Variants in BSPH1 observed in about 807,000 individuals in gnomAD.
The protein encoded by BSPH1 is binder of sperm protein homolog 1.
Under a neutral mutation model 22.5 loss-of-function variants are expected in BSPH1, and 21 were observed. That is an observed-to-expected ratio of 0.93 (90% CI 0.66 to 1.35). BSPH1 has a LOEUF of 1.35. BSPH1 is among the 40% of genes most tolerant of loss of function. BSPH1 has a pLI of 0.00. For synonymous variants in BSPH1, 42 were observed against 53.6 expected, an observed-to-expected ratio of 0.78 and a Z score of 0.95; for missense variants, 141 against 154.2, an observed-to-expected ratio of 0.91 and a Z score of 0.45.
chr19:47,976,599 A>AAAAC, intron 5 of BSPH1, 111 bp downstream of exon 5: 1 of 798,858 alleles, frequency 1.3e-6, no homozygotes, highest in East Asian at 2.8e-5. Context: ...AAAAAAAACA[A>AAAAC]AAAAAAACCC....
At chr19:47,968,729 T>C (rs1969281545) in intron 5 of BSPH1, among the ~76,000 whole-genome samples, 1 of 139,694 alleles carries the variant, frequency 7.2e-6, no homozygotes, top group East Asian at 2.1e-4. Flanking sequence ...CCAGGCACAG[T>C]GGCTCATGCC....
intron 1 of BSPH1, among the ~76,000 whole-genome samples, chr19:47,985,998 G>T (rs1012419213): frequency 1.3e-5 from 2 of 152,100 alleles, no homozygotes; most frequent in Admixed American, 1.3e-4. Context: ...GCAGTTGCCC[G>T]CAGGAGGATA....
rs75455169 is a variant in BSPH1 at position 47,968,105 on chromosome 19, T to C, written c.*107A>G. 6.6e-6 allele frequency: 1 copy of C among 152,326 alleles called. No homozygotes were observed. The highest frequency in any genetic ancestry group is 1.9e-4 in the East Asian group (1 of 5,178). 9.4% of individuals were successfully genotyped at this position (152,326 alleles called of 1,614,324 possible). ...TTGGGGGTTACTGTATATCAGACCA[T>C]TCTGACCTGCTGAAGAATCCATGGC... On this transcript the variant is annotated 3_prime_UTR_variant, in exon 6 of 6. Transcript: ENST00000344839.
chr19:47,989,337 G>A (rs1969501587), intron 1 of BSPH1, among the ~76,000 whole-genome samples: 1 of 151,740 alleles, frequency 6.6e-6, no homozygotes, highest in Non-Finnish European at 1.5e-5. Flanking sequence ...GTAGAGACGG[G>A]GTTTCACCAT....
At chr19:47,980,123 AC>A (rs1205965822) in intron 2 of BSPH1, among the ~76,000 whole-genome samples, 1 of 152,094 alleles carries the variant, frequency 6.6e-6, no homozygotes, top group East Asian at 1.9e-4. Context: ...TTAATGTAAC[AC>A]CCCTGTGCTT....
intron 5 of BSPH1, among the ~76,000 whole-genome samples, chr19:47,973,176 C>T (rs962363392): frequency 5.3e-5 from 8 of 150,648 alleles, no homozygotes; most frequent in Non-Finnish European, 8.9e-5. Flanking sequence ...GAGATCGCGC[C>T]ACTGCACTCC....
chr19:47,972,431 CCCT>C (rs1302391362), intron 5 of BSPH1, among the ~76,000 whole-genome samples: 1 of 152,038 alleles, frequency 6.6e-6, no homozygotes, highest in Non-Finnish European at 1.5e-5. Flanking sequence ...TGTATCATCT[CCCT>C]CCTCCCACTC....
intron 5 of BSPH1, among the ~76,000 whole-genome samples, chr19:47,974,477 C>T (rs377244645): frequency 1.3e-5 from 2 of 152,012 alleles, no homozygotes; most frequent in East Asian, 3.9e-4. Context: ...GCCGTGTTGG[C>T]TGGCCTGGTC....
At chr19:47,985,739 G>A (rs1969464243) in intron 1 of BSPH1, among the ~76,000 whole-genome samples, 1 of 151,960 alleles carries the variant, frequency 6.6e-6, no homozygotes, top group African/African-American at 2.4e-5. Context: ...GGCAGCTGAG[G>A]CAGGAGAATC....
chr19:47,976,586 AAAAAAAAAAAC>A lies in BSPH1; in HGVS notation c.*2+113_*2+123del, dbSNP rs908391854. 1.1e-4 allele frequency: 69 copies of A among 644,530 alleles called. 1 individual carries two copies. The highest frequency in any genetic ancestry group is 5.3e-4 in the Middle Eastern group (2 of 3,766). The allele number at this position is 644,530 out of a possible 1,614,324, so 39.9% of individuals were successfully genotyped here. ...TCACCTTCAACTCACATCCCAGAAA[AAAAAAAAAAAC>A]AAAAAAAAACCCTCTCTAATGAGAA... is the stretch of plus-strand genomic sequence containing the variant. On this transcript the variant is annotated intron_variant, in intron 5 of 5. Transcript: ENST00000344839.
chr19:47,981,772 CTT>C (rs5828324), intron 1 of BSPH1: 308 of 826,628 alleles, frequency 3.7e-4, no homozygotes, highest in South Asian at 8.7e-4. Context: ...GATAGCTTTA[CTT>C]TTTTTTTTTC....
chr19:47,987,563 T>C (rs191594997), intron 1 of BSPH1, among the ~76,000 whole-genome samples: 13 of 152,192 alleles, frequency 8.5e-5, no homozygotes, highest in African/African-American at 3.1e-4. Flanking sequence ...TTTTCAAAAG[T>C]TGCTGTAGAG....
intron 1 of BSPH1, among the ~76,000 whole-genome samples, chr19:47,983,073 G>A (rs1969434216): frequency 6.6e-6 from 1 of 152,166 alleles, no homozygotes. Context: ...CTGTGCACTG[G>A]TTCCAGTATA....
In BSPH1 at chr19:47,992,167, G is replaced by T; in HGVS notation, c.-86C>A. 9.1e-7 allele frequency: 1 copy of T among 1,093,930 alleles called. No homozygotes were observed. Among genetic ancestry groups the T allele is most frequent in the Non-Finnish European group, 1.3e-6 (1 of 746,700 alleles). The allele number at this position is 1,093,930 out of a possible 1,614,324, so 67.8% of individuals were successfully genotyped here. A position where few individuals can be genotyped will look rare whatever the true frequency, so the allele number is the denominator to read the frequency against. On this transcript the variant is annotated 5_prime_UTR_variant, in exon 1 of 6. Transcript: ENST00000344839. The stretch of plus-strand genomic sequence containing the variant: ...GAATCCCCTGGAGAGGCCCAGGGAG[G>T]CTTCTTGGAAAAGCAGGTTTGCTTC...
chr19:47,970,231 G>A (rs906738095), intron 5 of BSPH1, among the ~76,000 whole-genome samples: 5 of 151,928 alleles, frequency 3.3e-5, no homozygotes, highest in Admixed American at 2.6e-4. Flanking sequence ...GCTAATTTTC[G>A]TATTTTTAGT....
chr19:47,974,125 C>T (rs1371665202), intron 5 of BSPH1, among the ~76,000 whole-genome samples: 2 of 152,088 alleles, frequency 1.3e-5, no homozygotes, highest in Admixed American at 1.3e-4. Flanking sequence ...CCTCATTCTG[C>T]TCTGAGCTCC....
chr19:47,968,947 C>T (rs1969283700), intron 5 of BSPH1, among the ~76,000 whole-genome samples: 1 of 147,784 alleles, frequency 6.8e-6, no homozygotes, highest in Non-Finnish European at 1.5e-5. Flanking sequence ...TGCAGTGAGC[C>T]GAGATCACAC....
chr19:47,987,395 T>C (rs1310443021), intron 1 of BSPH1, among the ~76,000 whole-genome samples: 4 of 151,728 alleles, frequency 2.6e-5, no homozygotes, highest in African/African-American at 9.7e-5. Context: ...CTTTTTTTTT[T>C]TTTTTTTGGA....
chr19:47,990,329 G>C (rs1969511945), intron 1 of BSPH1, among the ~76,000 whole-genome samples: 2 of 152,102 alleles, frequency 1.3e-5, no homozygotes, highest in Admixed American at 6.6e-5. Context: ...GTAAGGCTCT[G>C]AATAGCACAA....
Sources: allele counts gnomAD v4.1 joint callset (sites outside exome capture counted in the v4.1 genomes callset), GRCh38; gene constraint gnomAD v4.1.1; transcripts MANE v1.5; gene names NCBI Gene and HGNC (gene_info 2026-07-23, HGNC 2026-07-21).